The following TSPAN5 variants were observed in gnomAD, a reference collection of about 807,000 sequenced individuals.
TSPAN5 encodes tetraspanin-5.
A neutral mutation model predicts 37.1 loss-of-function variants in TSPAN5; 10 were observed. The ratio of observed to expected loss-of-function variants is 0.27; its 90% CI spans 0.17 to 0.46. TSPAN5 has a LOEUF of 0.46. Among genes scored for constraint, TSPAN5 ranks in the 20% least tolerant of loss-of-function variants. The pLI, the probability that TSPAN5 is intolerant of heterozygous loss-of-function variation, is 1.00. For synonymous variants in TSPAN5, 110 were observed against 118.9 expected (o/e 0.93, Z 0.48); for missense variants, 195 against 326.6 (o/e 0.60, Z 3.11).
At chr4:98,537,586 C>CT in intron 1 of TSPAN5, among the ~76,000 whole-genome samples, 1 of 152,342 alleles carries the variant, frequency 6.6e-6, no homozygotes, top group South Asian at 2.1e-4. Flanking sequence ...GATGAGGACT[C>CT]TAAGGTGTAA....
chr4:98,649,292 C>T (rs1043196464), intron 1 of TSPAN5, among the ~76,000 whole-genome samples: 27 of 152,004 alleles, frequency 1.8e-4, no homozygotes, highest in African/African-American at 6.3e-4. Context: ...CACCCACATA[C>T]GCCTCAAGGA....
rs533142861 is a variant in TSPAN5, at chr4:98,514,419, C to G, written c.82-6691G>C. ...ACTTATTTCAGGAATAAAAAAACCT[C>G]TGGGGATAATTCTGGCCATGTCAAA... On this transcript the variant is annotated intron_variant, in intron 1 of 7. Transcript: ENST00000305798. Among the ~76,000 whole-genome samples, 3 of 152,302 alleles carry G rather than the reference C, an allele frequency of 2.0e-5. No individual in the cohort carries two copies. The South Asian group carries it at 6.2e-4, about 32-fold the overall frequency.
intron 1 of TSPAN5, among the ~76,000 whole-genome samples, chr4:98,538,816 T>C (rs1754295211): frequency 6.6e-6 from 1 of 152,234 alleles, no homozygotes; most frequent in African/African-American, 2.4e-5. Flanking sequence ...ACTGATAAAT[T>C]TCCTTTGACT....
chr4:98,553,841 T>C (rs1274987118), intron 1 of TSPAN5, among the ~76,000 whole-genome samples: 1 of 152,012 alleles, frequency 6.6e-6, no homozygotes, highest in Admixed American at 6.6e-5. Flanking sequence ...CTGAGGCAAG[T>C]GGATCACTTG....
At chr4:98,647,567 C>G (rs1757096345) in intron 1 of TSPAN5, among the ~76,000 whole-genome samples, 1 of 152,082 alleles carries the variant, frequency 6.6e-6, no homozygotes, top group Admixed American at 6.6e-5. Context: ...GTAAAAAGAG[C>G]CCTATGCCTT....
intron 2 of TSPAN5, among the ~76,000 whole-genome samples, chr4:98,506,694 C>G (rs1444263939): frequency 1.3e-5 from 2 of 152,172 alleles, no homozygotes; most frequent in Non-Finnish European, 1.5e-5. Flanking sequence ...GGTGAAACAC[C>G]TACGGGATCA....
intron 1 of TSPAN5, among the ~76,000 whole-genome samples, chr4:98,519,080 G>C (rs1429181166): frequency 6.6e-6 from 1 of 152,204 alleles, no homozygotes; most frequent in African/African-American, 2.4e-5. Flanking sequence ...CTAATTTGGT[G>C]AGAATGACAT....
chr4:98,568,100 AC>A (rs1284080100), intron 1 of TSPAN5, among the ~76,000 whole-genome samples: 2 of 152,166 alleles, frequency 1.3e-5, no homozygotes, highest in African/African-American at 4.8e-5. Flanking sequence ...GAGAAAATGA[AC>A]ACTTGTCACT....
At chr4:98,578,187 A>G (rs1755286559) in intron 1 of TSPAN5, among the ~76,000 whole-genome samples, 1 of 152,182 alleles carries the variant, frequency 6.6e-6, no homozygotes, top group Non-Finnish European at 1.5e-5. Context: ...AGTCTCACAG[A>G]ACCTCCCCTT....
chr4:98,575,047 A>AGAGCCAGAGCCC (rs1192986276), intron 1 of TSPAN5: 2 of 161,154 alleles, frequency 1.2e-5, no homozygotes, highest in African/African-American at 4.8e-5. Flanking sequence ...AGCCAGAGCC[A>AGAGCCAGAGCCC]GAGCCAGCAC....
intron 1 of TSPAN5, among the ~76,000 whole-genome samples, chr4:98,635,785 G>T (rs947873697): frequency 1.3e-5 from 2 of 152,154 alleles, no homozygotes; most frequent in Non-Finnish European, 2.9e-5. Context: ...CTGGCCAGAA[G>T]AAAATTAGAC....
intron 1 of TSPAN5, among the ~76,000 whole-genome samples, chr4:98,623,941 T>C (rs1383323757): frequency 2.6e-5 from 4 of 152,206 alleles, no homozygotes; most frequent in Non-Finnish European, 5.9e-5. Context: ...TGGATATTAG[T>C]TATTTAAGGT....
intron 1 of TSPAN5, among the ~76,000 whole-genome samples, chr4:98,535,938 T>C (rs1560527561): frequency 1.3e-5 from 2 of 152,206 alleles, no homozygotes; most frequent in African/African-American, 4.8e-5. Context: ...TCGTCTAACC[T>C]TTTTTCAAGG....
chr4:98,559,152 T>C (rs1482410772), intron 1 of TSPAN5, among the ~76,000 whole-genome samples: 2 of 152,008 alleles, frequency 1.3e-5, no homozygotes, highest in Admixed American at 1.3e-4. Context: ...TACTAGACAG[T>C]AACGACACTA....
chr4:98,586,851 AT>A (rs1453605922), intron 1 of TSPAN5, among the ~76,000 whole-genome samples: 3 of 152,180 alleles, frequency 2.0e-5, no homozygotes, highest in Non-Finnish European at 4.4e-5. Context: ...TAGAGTTCCC[AT>A]TCTCATATTC....
chr4:98,549,633 T>C (rs1376542276), intron 1 of TSPAN5, among the ~76,000 whole-genome samples: 2 of 152,096 alleles, frequency 1.3e-5, no homozygotes, highest in Non-Finnish European at 2.9e-5. Flanking sequence ...CTCTGATGAT[T>C]AGTGATGTTG....
intron 1 of TSPAN5, among the ~76,000 whole-genome samples, chr4:98,621,716 A>C (rs1756484880): frequency 6.6e-6 from 1 of 151,988 alleles, no homozygotes; most frequent in African/African-American, 2.4e-5. Flanking sequence ...TAGTAAATTC[A>C]CAATATAGTG....
intron 1 of TSPAN5, among the ~76,000 whole-genome samples, chr4:98,588,178 T>C (rs1028181910): frequency 3.9e-5 from 6 of 152,152 alleles, no homozygotes; most frequent in African/African-American, 1.4e-4. Flanking sequence ...TTAAAACGAA[T>C]TAACTTCATC....
chr4:98,560,086 T>C (rs1214816880), intron 1 of TSPAN5: 1 of 152,228 alleles, frequency 6.6e-6, no homozygotes. Flanking sequence ...TGTCTCCAAG[T>C]AGATTCTAAA....
Sources: allele counts gnomAD v4.1 joint callset (sites outside exome capture counted in the v4.1 genomes callset), GRCh38; gene constraint gnomAD v4.1.1; transcripts MANE v1.5; gene names NCBI Gene and HGNC (gene_info 2026-07-23, HGNC 2026-07-21).